The following MON2 variants were observed in gnomAD, a reference collection of about 807,000 sequenced individuals.
The protein encoded by MON2 is MON2 regulator of endosome-to-Golgi trafficking.
Under a neutral mutation model 208.6 loss-of-function variants are expected in MON2, and 84 were observed. The ratio of observed to expected loss-of-function variants is 0.40; its 90% CI spans 0.34 to 0.48. The LOEUF (loss-of-function observed/expected upper bound fraction) is 0.48, where lower values mean the gene tolerates loss of function less well. Among genes scored for constraint, MON2 ranks in the 20% least tolerant of loss-of-function variants. The probability of loss-of-function intolerance (pLI) is 0.59; values close to 1 mark genes in which losing one functional copy is unlikely to be tolerated. For missense variants in MON2, 1,611 were observed against 2,015.4 expected (o/e 0.80, Z 3.84); for synonymous variants, 660 against 694.0 (o/e 0.95, Z 0.77).
chr12:62,486,833 T>C (rs2069825621), intron 2 of MON2, among the ~76,000 whole-genome samples: 1 of 152,132 alleles, frequency 6.6e-6, no homozygotes, highest in South Asian at 2.1e-4. Context: ...TCAAATGAGA[T>C]TGGATATTGA....
chr12:62,491,814 G>C (rs1285404351), intron 2 of MON2, among the ~76,000 whole-genome samples: 1 of 152,136 alleles, frequency 6.6e-6, no homozygotes, highest in Non-Finnish European at 1.5e-5. Context: ...CTTTTAATTT[G>C]CCTGAATAAC....
rs978803023 is a variant in MON2, at chr12:62,599,128, T to C, written c.*6379T>C. On this transcript the variant is annotated 3_prime_UTR_variant, in exon 35 of 35. Coordinates refer to ENST00000393630, the MANE Select transcript of MON2 (RefSeq NM_015026.3). ...ATGATCACTTTGGGAAAAAAAAAATTATAGAGTAAAGGGGAAATGTTCTTG... is the reference window on the plus strand; with the variant it reads ...ATGATCACTTTGGGAAAAAAAAAATCATAGAGTAAAGGGGAAATGTTCTTG... 2.0e-5 allele frequency: 3 copies of C among 151,772 alleles called. No individual in the cohort carries two copies. The highest frequency in any genetic ancestry group is 7.3e-5 in the African/African-American group (3 of 41,288). 9.4% of individuals were successfully genotyped at this position (151,772 alleles called of 1,614,324 possible).
At chr12:62,509,159 G>T (rs1239983103) in intron 8 of MON2, 1 of 146,812 alleles carries the variant, frequency 6.8e-6, no homozygotes, top group African/African-American at 2.5e-5. Context: ...CTGTCACCCA[G>T]GCTGGAGTGT....
chr12:62,506,440 A>G (rs1361507400), intron 7 of MON2, among the ~76,000 whole-genome samples: 1 of 151,998 alleles, frequency 6.6e-6, no homozygotes, highest in Admixed American at 6.6e-5. Flanking sequence ...TGAGAATCTG[A>G]TTTTTTAAAA....
Position 62,476,537 on chromosome 12 carries a change from C to T in MON2, c.112-7633C>T, listed in dbSNP as rs527266105. Among the ~76,000 whole-genome samples, 17 of 151,952 alleles carry T rather than the reference C, an allele frequency of 1.1e-4. No homozygotes were observed. In the South Asian group the frequency reaches 2.5e-3, roughly 22 times the overall value. The stretch of plus-strand genomic sequence containing the variant: ...GCAACCTATGCCTCCCAGGCTCAAG[C>T]GATTCTCTTGCCTCAGCCTCCTGAG... On this transcript the variant is annotated intron_variant, in intron 1 of 34. Coordinates refer to ENST00000393630, the MANE Select transcript of MON2 (RefSeq NM_015026.3).
At chr12:62,501,053 C>T (rs989487462) in intron 6 of MON2, among the ~76,000 whole-genome samples, 173 bp downstream of exon 6, 1 of 151,844 alleles carries the variant, frequency 6.6e-6, no homozygotes, top group Non-Finnish European at 1.5e-5. Flanking sequence ...AGCTAATTAA[C>T]ATGATAAAAC....
At chr12:62,487,409 A>C (rs1464906623) in intron 2 of MON2, among the ~76,000 whole-genome samples, 2 of 152,054 alleles carry the variant, frequency 1.3e-5, no homozygotes, top group African/African-American at 4.8e-5. Context: ...GGTATCTTTT[A>C]ACATTGTATA....
At chr12:62,552,061 A>G (rs912910110) in intron 23 of MON2, among the ~76,000 whole-genome samples, 7 of 152,156 alleles carry the variant, frequency 4.6e-5, no homozygotes, top group Non-Finnish European at 1.0e-4. Flanking sequence ...GTTACATAGC[A>G]TTTACCTTAT....
chr12:62,585,585 T>A (rs1462926675), intron 33 of MON2, 84 bp downstream of exon 33: 1 of 1,106,576 alleles, frequency 9.0e-7, no homozygotes, highest in Non-Finnish European at 1.3e-6. Context: ...AGCAAGTGTT[T>A]TTGTAAGTGA....
intron 30 of MON2, among the ~76,000 whole-genome samples, chr12:62,577,846 T>C (rs2074848401): frequency 6.6e-6 from 1 of 152,298 alleles, no homozygotes; most frequent in South Asian, 2.1e-4. Flanking sequence ...TCCATTTTAC[T>C]GTTCACTCTT....
rs1427159294 is a variant in MON2 at position 62,599,869 on chromosome 12, G to C, written c.*7120G>C. The C allele has an allele frequency of 6.6e-6, 1 of 152,162 alleles. No individual in the cohort carries two copies. Among genetic ancestry groups the C allele is most frequent in the South Asian group, 2.1e-4 (1 of 4,832 alleles). 9.4% of individuals were successfully genotyped at this position (152,162 alleles called of 1,614,324 possible). On this transcript the variant is annotated 3_prime_UTR_variant, in exon 35 of 35. Coordinates refer to ENST00000393630, the MANE Select transcript of MON2 (RefSeq NM_015026.3). ...AACATAACAAAGAACTAAAAATACT[G>C]TGAAAAAAAGATTTGTCTTAACGAT...
At chr12:62,559,159 C>G (rs1038351440) in intron 25 of MON2, among the ~76,000 whole-genome samples, 2 of 152,070 alleles carry the variant, frequency 1.3e-5, no homozygotes, top group Non-Finnish European at 2.9e-5. Flanking sequence ...GGGTTTATCC[C>G]TTTTTTAAAA....
chr12:62,472,047 A>C (rs1185441542), intron 1 of MON2, among the ~76,000 whole-genome samples: 2 of 152,218 alleles, frequency 1.3e-5, no homozygotes, highest in Admixed American at 1.3e-4. Flanking sequence ...GCAGTGGATC[A>C]CTTTGGAGAA....
intron 32 of MON2, among the ~76,000 whole-genome samples, 190 bp from the exon 33 acceptor site, chr12:62,585,103 AC>A (rs1565714762): frequency 1.3e-4 from 8 of 59,706 alleles, no homozygotes; most frequent in African/African-American, 2.7e-4. Flanking sequence ...ACACACACAC[AC>A]ACACACAAAA....
chr12:62,574,259 G>A (rs1409729527), intron 30 of MON2, among the ~76,000 whole-genome samples: 6 of 151,990 alleles, frequency 3.9e-5, no homozygotes, highest in African/African-American at 1.4e-4. Context: ...TTTTAAAAAA[G>A]GTGACATTAT....
chr12:62,520,642 G>A (rs1455600696), intron 8 of MON2, among the ~76,000 whole-genome samples: 1 of 151,752 alleles, frequency 6.6e-6, no homozygotes, highest in African/African-American at 2.4e-5. Flanking sequence ...ACATTAAAAA[G>A]GCATGTACTT....
intron 26 of MON2, among the ~76,000 whole-genome samples, chr12:62,563,856 A>G (rs2136362952): frequency 6.6e-6 from 1 of 152,200 alleles, no homozygotes; most frequent in Admixed American, 6.6e-5. Context: ...TAGACATTGA[A>G]AATAAAACAA....
At chr12:62,476,108 T>C (rs576431212) in intron 1 of MON2, among the ~76,000 whole-genome samples, 1 of 152,320 alleles carries the variant, frequency 6.6e-6, no homozygotes, top group Admixed American at 6.5e-5. Flanking sequence ...TTCCAGTCTT[T>C]GATTTGTTAA....
chr12:62,466,860 C>G lies in MON2; in HGVS notation c.-348C>G, dbSNP rs566282470. The G allele has an allele frequency of 2.2e-6, 1 of 451,264 alleles. No individual in the cohort carries two copies. 28.0% of individuals were successfully genotyped at this position (451,264 alleles called of 1,614,324 possible). A position where few individuals can be genotyped will look rare whatever the true frequency, so the allele number is the denominator to read the frequency against. On this transcript the variant is annotated 5_prime_UTR_variant, in exon 1 of 35. Transcript: ENST00000393630. ...AATGGCGTCGGCGAGTCTTAGGGGC[C>G]TGGGGAGCTGGCGCTGAAGCTTCTT... is the stretch of plus-strand genomic sequence containing the variant.
Sources: gnomAD v4.1 joint callset for allele counts (sites outside exome capture counted in the v4.1 genomes callset) on GRCh38, gnomAD v4.1.1 for gene constraint, MANE v1.5 for transcripts, NCBI Gene and HGNC (gene_info 2026-07-23, HGNC 2026-07-21) for gene names.